Variants in LYPD1 observed in about 807,000 individuals in gnomAD.
The protein encoded by LYPD1 is ly6/PLAUR domain-containing protein 1.
A neutral mutation model predicts 14.2 loss-of-function variants in LYPD1; 14 were observed. The ratio of observed to expected loss-of-function variants is 0.99; its 90% confidence interval spans 0.65 to 1.54. The LOEUF (loss-of-function observed/expected upper bound fraction) is 1.54. Among genes scored for constraint, LYPD1 ranks in the 40% most tolerant of loss-of-function variants. The pLI, the probability that LYPD1 is intolerant of heterozygous loss-of-function variation, is 0.00. For missense variants in LYPD1, 165 were observed against 175.7 expected (o/e 0.94, Z 0.34); for synonymous variants, 85 against 70.6 (o/e 1.20, Z -1.02).
At chr2:132,659,203 T>C (rs1376938518) in intron 2 of LYPD1, among the ~76,000 whole-genome samples, 3 of 152,240 alleles carry the variant, frequency 2.0e-5, no homozygotes, top group Non-Finnish European at 4.4e-5. Context: ...GCTCCTTCAT[T>C]TCTGCTATAA....
intron 2 of LYPD1, among the ~76,000 whole-genome samples, chr2:132,656,651 A>G (rs1558880517): frequency 6.6e-6 from 1 of 152,226 alleles, no homozygotes; most frequent in African/African-American, 2.4e-5. Context: ...GGCACCGTTT[A>G]TCAGGAATAA....
At chr2:132,654,365 C>A (rs997409026) in intron 2 of LYPD1, among the ~76,000 whole-genome samples, 1 of 149,682 alleles carries the variant, frequency 6.7e-6, no homozygotes, top group Non-Finnish European at 1.5e-5. Flanking sequence ...TGTTCCACTG[C>A]ACTCCAGCCT....
chr2:132,652,411 G>T (rs1682393488), intron 2 of LYPD1, among the ~76,000 whole-genome samples: 1 of 152,114 alleles, frequency 6.6e-6, no homozygotes, highest in Non-Finnish European at 1.5e-5. Context: ...TTCCTACATT[G>T]GTGTCACCTG....
At chr2:132,660,176 G>A (rs1034476197) in intron 2 of LYPD1, among the ~76,000 whole-genome samples, 2 of 152,220 alleles carry the variant, frequency 1.3e-5, no homozygotes. Context: ...AGTGAGAAAT[G>A]AAATGCACTG....
At chr2:132,649,812 C>A (rs1682281537) in intron 2 of LYPD1, among the ~76,000 whole-genome samples, 1 of 152,080 alleles carries the variant, frequency 6.6e-6, no homozygotes, top group Non-Finnish European at 1.5e-5. Context: ...CCAAGTAGAT[C>A]TAAGATTTAA....
chr2:132,662,092 T>G (rs2104919788), intron 2 of LYPD1, among the ~76,000 whole-genome samples: 1 of 152,342 alleles, frequency 6.6e-6, no homozygotes, highest in East Asian at 1.9e-4. Context: ...ATGAGGATAC[T>G]ACTGTTAGGA....
chr2:132,646,447 A>G, intron 2 of LYPD1, 167 bp from the exon 3 acceptor site: 1 of 417,578 alleles, frequency 2.4e-6, no homozygotes, highest in South Asian at 1.2e-4. Context: ...TTCAAGATAG[A>G]TGGTGAAAGA....
intron 2 of LYPD1, among the ~76,000 whole-genome samples, chr2:132,663,745 A>G (rs570928569): frequency 6.6e-6 from 1 of 152,312 alleles, no homozygotes; most frequent in South Asian, 2.1e-4. Context: ...TGTCTAAAAG[A>G]GAGCTAACAG....
intron 2 of LYPD1, among the ~76,000 whole-genome samples, chr2:132,661,781 G>A (rs1682956769): frequency 6.6e-6 from 1 of 152,032 alleles, no homozygotes; most frequent in South Asian, 2.1e-4. Flanking sequence ...TTTCTTTTGG[G>A]GTGATGAAAT....
upstream of LYPD1, among the ~76,000 whole-genome samples, chr2:132,670,924 G>C (rs1048061024): frequency 6.6e-6 from 1 of 152,182 alleles, no homozygotes; most frequent in African/African-American, 2.4e-5. This position sits in a 1 kb window ranked among gnomAD's most constrained non-coding sequence, Gnocchi z 4.5. Flanking sequence ...CCTAGCCTAG[G>C]AGAACGCCGT....
chr2:132,660,754 A>G (rs954812878), intron 2 of LYPD1, among the ~76,000 whole-genome samples: 1 of 152,246 alleles, frequency 6.6e-6, no homozygotes, highest in Non-Finnish European at 1.5e-5. Context: ...GAAAAAATTA[A>G]CAGAGAAGAA....
At chr2:132,651,210 C>T (rs926589659) in intron 2 of LYPD1, among the ~76,000 whole-genome samples, 2 of 152,120 alleles carry the variant, frequency 1.3e-5, no homozygotes, top group Non-Finnish European at 2.9e-5. Flanking sequence ...TTTAAAATGA[C>T]GTAAATAAAC....
intron 2 of LYPD1, among the ~76,000 whole-genome samples, chr2:132,650,845 C>A (rs1194138142): frequency 1.3e-5 from 2 of 152,018 alleles, no homozygotes; most frequent in African/African-American, 4.8e-5. Context: ...AGCAATAATC[C>A]TCATTTTGCA....
At position 132,645,677 on chromosome 2, in the gene LYPD1, G is replaced by T; in HGVS notation, c.*368C>A. On this transcript the variant is annotated 3_prime_UTR_variant, in exon 3 of 3. Coordinates refer to ENST00000397463, the MANE Select transcript of LYPD1 (RefSeq NM_144586.7). ...AAGAAAACGTCACTCTCACTCTGCA[G>T]TCTCAAACTATGCCCCCATCAGGGA... The T allele has an allele frequency of 6.5e-7, 1 of 1,534,790 alleles. No individual in the cohort carries two copies.
chr2:132,649,098 A>AACTGGCTGGTGTCG (rs1682258547), intron 2 of LYPD1, among the ~76,000 whole-genome samples: 1 of 152,030 alleles, frequency 6.6e-6, no homozygotes, highest in Non-Finnish European at 1.5e-5. Flanking sequence ...GGCTGGTGTC[A>AACTGGCTGGTGTCG]GGGTATGGAG....
At position 132,669,099 on chromosome 2, in the gene LYPD1, G is replaced by C. The variant is rs1248183846; in HGVS notation, c.53-562C>G. Among the ~76,000 whole-genome samples, 1 of 152,136 alleles carries C rather than the reference G, an allele frequency of 6.6e-6. No individual in the cohort carries two copies. Among genetic ancestry groups the C allele is most frequent in the Non-Finnish European group, 1.5e-5 (1 of 68,022 alleles). On this transcript the variant is annotated intron_variant, in intron 1 of 2. Transcript: ENST00000397463. The surrounding 1 kb of genome is among the most constrained non-coding windows in gnomAD (Gnocchi z 4.3). Reference sequence around the variant, plus strand: ...GCCAGACGCCAAGCGCTGCTGCGCCGCAAGTCCCCGAGCCCGGGTCGGCGG... The same window carrying C: ...GCCAGACGCCAAGCGCTGCTGCGCCCCAAGTCCCCGAGCCCGGGTCGGCGG...
chr2:132,668,400 C>A lies in LYPD1; in HGVS notation c.190G>T (p.Gly64Trp), dbSNP rs373429234. Residue 64 changes from glycine (G) to tryptophan (W), a missense_variant and splice_region_variant, in exon 2 of 3, where the codon GGG becomes TGG. Coordinates refer to ENST00000397463, the MANE Select transcript of LYPD1 (RefSeq NM_144586.7). ...CQKEVMEQSA[G>W]IMYRKSCASS... ...AGGGGGAGGGCTGCCAGGCTCTTAC[C>A]GGCACTTTGCTCCATCACTTCTTTC... 2 of 1,603,380 alleles carry A rather than the reference C, an allele frequency of 1.2e-6. No homozygotes were observed. Among genetic ancestry groups the A allele is most frequent in the Non-Finnish European group, 1.7e-6 (2 of 1,174,784 alleles).
rs1018398338 is a variant in LYPD1, at chr2:132,643,982, G to A, written c.*2063C>T. 2.6e-5 allele frequency among the ~76,000 whole-genome samples: 4 copies of A among 152,186 alleles called. No homozygotes were observed. Among genetic ancestry groups the A allele is most frequent in the African/African-American group, 9.6e-5 (4 of 41,458 alleles). On this transcript the variant is annotated 3_prime_UTR_variant, in exon 3 of 3. Transcript: ENST00000397463. ...AGAGGAAGGAAGCATTTCTGAAAATGCAAATCCTGCTTTAAGGTAGCAGCT... is the reference window on the plus strand; with the variant it reads ...AGAGGAAGGAAGCATTTCTGAAAATACAAATCCTGCTTTAAGGTAGCAGCT...
At chr2:132,647,297 C>T (rs914817028) in intron 2 of LYPD1, among the ~76,000 whole-genome samples, 6 of 152,172 alleles carry the variant, frequency 3.9e-5, no homozygotes, top group African/African-American at 1.2e-4. Context: ...GGATTTGAAC[C>T]CAGCATTCTG....
Sources: gnomAD v4.1 joint callset for allele counts (sites outside exome capture counted in the v4.1 genomes callset) on GRCh38, gnomAD v4.1.1 for gene constraint, Gnocchi (gnomAD v3.1) non-coding constraint, MANE v1.5 for transcripts, NCBI Gene and HGNC (gene_info 2026-07-23, HGNC 2026-07-21) for gene names.